NECTIN1: variants seen among roughly 807,000 people sequenced by gnomAD.
NECTIN1 encodes nectin-1.
NECTIN1 carries 23 observed loss-of-function variants against 48.0 expected under a neutral mutation model. The observed-to-expected ratio is 0.48, with a 90% CI of 0.34 to 0.68. The LOEUF is 0.68. Among genes scored for constraint, NECTIN1 ranks in the 30% least tolerant of loss-of-function variants. The pLI, the probability that NECTIN1 is intolerant of heterozygous loss-of-function variation, is 0.01. For missense variants in NECTIN1, 591 were observed against 709.9 expected (o/e 0.83, Z 1.90); for synonymous variants, 270 against 288.9 (o/e 0.93, Z 0.66).
In NECTIN1 at chr11:119,709,029, G is replaced by A. The variant is rs1865592453; in HGVS notation, c.79+19446C>T. ...GATTTTGCTGGGGGAGGGGGCACCG[G>A]AGAGATCCTGAGACACTCTACCCCC... is the stretch of plus-strand genomic sequence containing the variant. On this transcript the variant is annotated intron_variant, in intron 1 of 5. Coordinates refer to ENST00000264025, the MANE Select transcript of NECTIN1 (RefSeq NM_002855.5). The surrounding 1 kb of genome is among the most constrained non-coding windows in gnomAD (Gnocchi z 4.1). 6.6e-6 allele frequency among the ~76,000 whole-genome samples: 1 copy of A among 152,014 alleles called. No homozygotes were observed. Among genetic ancestry groups the A allele is most frequent in the African/African-American group, 2.4e-5 (1 of 41,352 alleles).
chr11:119,647,700 A>G (rs932796059), intron 5 of NECTIN1, among the ~76,000 whole-genome samples: 7 of 152,156 alleles, frequency 4.6e-5, no homozygotes, highest in African/African-American at 1.7e-4. Context: ...GTAGTGGGAA[A>G]GTCATGACTG....
chr11:119,721,638 G>A (rs1486550347), intron 1 of NECTIN1, among the ~76,000 whole-genome samples: 1 of 152,232 alleles, frequency 6.6e-6, no homozygotes, highest in Non-Finnish European at 1.5e-5. Flanking sequence ...GTCCAGGAGA[G>A]GGCCAGCCCC....
In NECTIN1 at chr11:119,677,775, G is replaced by T; in HGVS notation, c.513C>A (p.Thr171=). 1 of 1,614,170 alleles carries T rather than the reference G, an allele frequency of 6.2e-7. No individual in the cohort carries two copies. The highest frequency in any genetic ancestry group is 8.5e-7 in the Non-Finnish European group (1 of 1,180,020). ...KGQDDKVLVA[T]CTSANGKPPS... Reference sequence around the variant, plus strand: ...GAGGCTTCCCATTGGCTGAGGTGCAGGTGGCCACCAGGACCTTGTCATCCT... The same window carrying T: ...GAGGCTTCCCATTGGCTGAGGTGCATGTGGCCACCAGGACCTTGTCATCCT... The change falls in exon 3 of 6, where the codon ACC becomes ACA. Residue 171 remains threonine (T), a synonymous_variant. Transcript: ENST00000264025. The surrounding 1 kb of genome is among the most constrained non-coding windows in gnomAD (Gnocchi z 5.4).
chr11:119,719,478 GT>G (rs772179869), intron 1 of NECTIN1, among the ~76,000 whole-genome samples: 2 of 152,200 alleles, frequency 1.3e-5, no homozygotes, highest in Non-Finnish European at 2.9e-5. Flanking sequence ...CCCTGGGCAA[GT>G]TACCTAAGCT....
At chr11:119,648,675 C>T (rs1275175125) in intron 5 of NECTIN1, among the ~76,000 whole-genome samples, 1 of 151,980 alleles carries the variant, frequency 6.6e-6, no homozygotes, top group Non-Finnish European at 1.5e-5. Flanking sequence ...CAATGAAACC[C>T]CTGGGGCAGA....
At chr11:119,646,285 G>A (rs1436637170) in intron 5 of NECTIN1, among the ~76,000 whole-genome samples, 8 of 152,322 alleles carry the variant, frequency 5.3e-5, no homozygotes, top group East Asian at 1.9e-4. Context: ...TCCCTTGCCC[G>A]ACTTCCAGTC....
At chr11:119,648,277 ATGGTGGTGGTGATGGTGGTGG>A (rs1864429566) in intron 5 of NECTIN1, among the ~76,000 whole-genome samples, 1 of 25,012 alleles carries the variant, frequency 4.0e-5, no homozygotes, top group Non-Finnish European at 6.7e-5. Context: ...GGTGGTGGTG[ATGGTGGTGGTGATGGTGGTGG>A]TGGTGGTGAT....
intron 1 of NECTIN1, among the ~76,000 whole-genome samples, chr11:119,705,305 T>C (rs1865529261): frequency 6.6e-6 from 1 of 152,216 alleles, no homozygotes. Flanking sequence ...GTCCCAGGCA[T>C]ACAGCACTGG....
At chr11:119,714,144 G>A (rs1047165613) in intron 1 of NECTIN1, among the ~76,000 whole-genome samples, 9 of 152,274 alleles carry the variant, frequency 5.9e-5, no homozygotes, top group Non-Finnish European at 1.0e-4. Context: ...AGGCAGGAGC[G>A]GCAGCCTCTG....
intron 1 of NECTIN1, among the ~76,000 whole-genome samples, chr11:119,708,136 G>T (rs1029222151): frequency 6.6e-6 from 1 of 152,166 alleles, no homozygotes; most frequent in Non-Finnish European, 1.5e-5. Context: ...TGACGGAGGC[G>T]CCACAGAAGA....
chr11:119,720,214 T>C (rs1366128900), intron 1 of NECTIN1, among the ~76,000 whole-genome samples: 3 of 152,214 alleles, frequency 2.0e-5, no homozygotes, highest in Non-Finnish European at 4.4e-5. Flanking sequence ...AGGCACCTCC[T>C]CCACTGCCCT....
At chr11:119,646,821 T>TCAAAC (rs1864401526) in intron 5 of NECTIN1, among the ~76,000 whole-genome samples, 1 of 152,214 alleles carries the variant, frequency 6.6e-6, no homozygotes, top group Non-Finnish European at 1.5e-5. Flanking sequence ...GGCAAGTCAC[T>TCAAAC]CAAACCCTTT....
At chr11:119,710,190 C>A (rs144174698) in intron 1 of NECTIN1, among the ~76,000 whole-genome samples, 1 of 152,188 alleles carries the variant, frequency 6.6e-6, no homozygotes, top group African/African-American at 2.4e-5. Flanking sequence ...CGCACACACG[C>A]GCACCCAAGC....
intron 5 of NECTIN1, among the ~76,000 whole-genome samples, chr11:119,648,857 G>T (rs1186212352): frequency 6.6e-6 from 1 of 152,118 alleles, no homozygotes; most frequent in African/African-American, 2.4e-5. Context: ...AGGTGGCCCT[G>T]AGGGAGCCTC....
intron 1 of NECTIN1, among the ~76,000 whole-genome samples, chr11:119,723,216 CAAAAAAAAAA>C (rs34528775): frequency 1.7e-5 from 1 of 59,236 alleles, no homozygotes. Flanking sequence ...GACTCTGTCT[CAAAAAAAAAA>C]AAAAAAAAAA....
intron 1 of NECTIN1, among the ~76,000 whole-genome samples, chr11:119,716,162 G>A (rs1287022009): frequency 7.2e-5 from 11 of 152,160 alleles, no homozygotes; most frequent in African/African-American, 1.9e-4. Context: ...CGGATCTCCA[G>A]TAGCCCAGGG....
At chr11:119,690,324 A>T (rs187018366) in intron 1 of NECTIN1, among the ~76,000 whole-genome samples, 84 of 152,302 alleles carry the variant, frequency 5.5e-4, no homozygotes, top group African/African-American at 2.0e-3. Flanking sequence ...AACAACAAAA[A>T]AAATAAATAA....
Position 119,661,522 on chromosome 11 carries a change from G to A in NECTIN1, c.*3225C>T. On this transcript the variant is annotated 3_prime_UTR_variant, in exon 6 of 6. Transcript: ENST00000264025. ...GGGGGTCTCTGTCTGGACTCCTGAG[G>A]CCTGGGAGCACTACCCTCCTCCCAG... The A allele has an allele frequency of 1.0e-6, 1 of 985,900 alleles. No individual in the cohort carries two copies. 61.1% of individuals were successfully genotyped at this position (985,900 alleles called of 1,614,324 possible). A position where few individuals can be genotyped will look rare whatever the true frequency, so the allele number is the denominator to read the frequency against.
chr11:119,674,396 C>G, intron 5 of NECTIN1: 1 of 1,509,804 alleles, frequency 6.6e-7, no homozygotes, highest in Non-Finnish European at 8.9e-7. Flanking sequence ...GGGTAATAAT[C>G]ACGGAACATT....
Sources: gnomAD v4.1 joint callset for allele counts (sites outside exome capture counted in the v4.1 genomes callset) on GRCh38, gnomAD v4.1.1 for gene constraint, Gnocchi (gnomAD v3.1) non-coding constraint, MANE v1.5 for transcripts, NCBI Gene and HGNC (gene_info 2026-07-23, HGNC 2026-07-21) for gene names.